CACNB2: variants seen among roughly 807,000 people sequenced by gnomAD.
The protein encoded by CACNB2 is voltage-dependent L-type calcium channel subunit beta-2.
CACNB2 carries 42 observed loss-of-function variants against 73.3 expected under a neutral mutation model. The ratio of observed to expected loss-of-function variants is 0.57; its 90% CI spans 0.45 to 0.74. The LOEUF is 0.74. CACNB2 is among the 30% of genes least tolerant of loss of function. The pLI is 0.00. For missense variants in CACNB2, 940 were observed against 853.0 expected (o/e 1.10, Z -1.27); for synonymous variants, 348 against 310.3 (o/e 1.12, Z -1.28).
At position 18,242,585 on chromosome 10, in the gene CACNB2, CAT is replaced by C. The variant is rs199804411; in HGVS notation, c.213+91612_213+91613del. Among the ~76,000 whole-genome samples, 313 of 152,240 alleles carry C rather than the reference CAT, an allele frequency of 2.1e-3. 7 individuals carry two copies. The East Asian group carries it at 0.044, about 22-fold the overall frequency. On this transcript the variant is annotated intron_variant, in intron 2 of 13. Transcript: ENST00000324631. ...ATATAAATGAAGAATCAAAACATCA[CAT>C]AAACAGTTTCTACAAATTGGTAAGG...
rs201696069 is a variant in CACNB2, at chr10:18,361,498, CA to C, written c.214-40412del. Among the ~76,000 whole-genome samples, 968 of 122,656 alleles carry C rather than the reference CA, an allele frequency of 7.9e-3. 10 individuals carry two copies. The highest frequency in any genetic ancestry group is 0.024 in the African/African-American group (787 of 32,156). The allele number at this position is 122,656 out of a possible 152,430, so 80.5% of individuals were successfully genotyped here. A position where few individuals can be genotyped will look rare whatever the true frequency, so the allele number is the denominator to read the frequency against. ...TGGGCAACAAAGCAAGACTCTATCTCAAAAAAAAAAAAAAGAAAGAAAGAAA... is the reference window on the plus strand; with the variant it reads ...TGGGCAACAAAGCAAGACTCTATCTCAAAAAAAAAAAAAGAAAGAAAGAAA... On this transcript the variant is annotated intron_variant, in intron 2 of 13. Coordinates refer to ENST00000324631, the MANE Select transcript of CACNB2 (RefSeq NM_201596.3).
At chr10:18,453,548 G>A (rs1001486) in intron 3 of CACNB2, among the ~76,000 whole-genome samples, 85,890 of 152,086 alleles carry the variant, frequency 0.56, 26,193 homozygotes, top group Non-Finnish European at 0.69. Flanking sequence ...GAGCACTGCC[G>A]CTCGTATCAC....
chr10:18,370,878 T>C (rs938598756), intron 2 of CACNB2, among the ~76,000 whole-genome samples: 2 of 152,260 alleles, frequency 1.3e-5, no homozygotes, highest in African/African-American at 4.8e-5. Context: ...TATTTCAACA[T>C]CTATATCTCG....
chr10:18,519,038 G>A (rs376485613), intron 9 of CACNB2, 70 bp downstream of exon 9: 127 of 1,340,988 alleles, frequency 9.5e-5, no homozygotes, highest in Non-Finnish European at 1.1e-4. Context: ...TGGGACATGC[G>A]TGTGATTCCA....
intron 2 of CACNB2, among the ~76,000 whole-genome samples, chr10:18,242,580 C>G (rs1436096108): frequency 2.6e-5 from 4 of 152,082 alleles, no homozygotes; most frequent in Admixed American, 1.3e-4. Context: ...AGAATCAAAA[C>G]ATCACATAAA....
intron 3 of CACNB2, among the ~76,000 whole-genome samples, chr10:18,460,413 C>A (rs2132669875): frequency 6.6e-6 from 1 of 152,198 alleles, no homozygotes; most frequent in Non-Finnish European, 1.5e-5. Flanking sequence ...ACACACAGCT[C>A]TGATAGTTAA....
intron 2 of CACNB2, among the ~76,000 whole-genome samples, chr10:18,352,447 A>G (rs1212585965): frequency 6.6e-6 from 1 of 152,238 alleles, no homozygotes; most frequent in African/African-American, 2.4e-5. Flanking sequence ...GAAATAGGGA[A>G]CAGTAGGGTT....
intron 6 of CACNB2, among the ~76,000 whole-genome samples, chr10:18,507,270 C>T (rs1447845450): frequency 6.6e-6 from 1 of 152,068 alleles, no homozygotes; most frequent in African/African-American, 2.4e-5. Context: ...AGAGGATTGG[C>T]CTGTTGTGGG....
chr10:18,376,742 G>A (rs772806883), intron 2 of CACNB2, among the ~76,000 whole-genome samples: 5 of 152,128 alleles, frequency 3.3e-5, no homozygotes, highest in Non-Finnish European at 7.4e-5. Flanking sequence ...TCGGAGGAGG[G>A]TTATCTTAAG....
intron 2 of CACNB2, among the ~76,000 whole-genome samples, chr10:18,158,300 C>T (rs960131303): frequency 6.6e-6 from 1 of 152,058 alleles, no homozygotes; most frequent in African/African-American, 2.4e-5. Flanking sequence ...AGGGCTTTTG[C>T]TTTGTAAATT....
At chr10:18,179,798 C>T (rs905605074) in intron 2 of CACNB2, among the ~76,000 whole-genome samples, 8 of 152,138 alleles carry the variant, frequency 5.3e-5, no homozygotes, top group African/African-American at 1.9e-4. Flanking sequence ...TCTTTCAGTT[C>T]AGACAAGTCA....
chr10:18,466,785 G>A (rs1263923793), intron 3 of CACNB2, among the ~76,000 whole-genome samples: 2 of 152,058 alleles, frequency 1.3e-5, no homozygotes, highest in Admixed American at 6.6e-5. Context: ...TAATAAACTG[G>A]GCCCCGGATT....
chr10:18,247,470 T>C (rs1171836193), intron 2 of CACNB2, among the ~76,000 whole-genome samples: 2 of 152,042 alleles, frequency 1.3e-5, no homozygotes, highest in African/African-American at 4.8e-5. Flanking sequence ...AGTTGCCCAG[T>C]AGGGGGTATG....
At chr10:18,380,280 C>CA (rs2042960329) in intron 2 of CACNB2, among the ~76,000 whole-genome samples, 3 of 151,146 alleles carry the variant, frequency 2.0e-5, no homozygotes, top group Non-Finnish European at 1.5e-5. Context: ...TTTTTCTTAG[C>CA]AAAAAAATAA....
intron 2 of CACNB2, among the ~76,000 whole-genome samples, chr10:18,225,849 A>G (rs1231463207): frequency 6.6e-6 from 1 of 152,080 alleles, no homozygotes; most frequent in Non-Finnish European, 1.5e-5. Context: ...TATGTTGCTC[A>G]GGCTGGTCTC....
At chr10:18,518,510 G>A (rs1319299293) in intron 8 of CACNB2, 94 bp downstream of exon 8, 10 of 903,830 alleles carry the variant, frequency 1.1e-5, no homozygotes, top group Non-Finnish European at 1.7e-5. Context: ...GAATTTTACA[G>A]CTTAAGGAGC....
intron 2 of CACNB2, among the ~76,000 whole-genome samples, chr10:18,302,749 C>T (rs1398096770): frequency 6.6e-6 from 1 of 152,146 alleles, no homozygotes; most frequent in African/African-American, 2.4e-5. Context: ...AAGTTGGGTT[C>T]AGTGTATACT....
intron 2 of CACNB2, chr10:18,261,862 T>C: frequency 2.0e-6 from 1 of 508,326 alleles, no homozygotes; most frequent in Non-Finnish European, 3.9e-6. Flanking sequence ...ATGGCCCTGC[T>C]GTGTTTTGCA....
At chr10:18,317,119 C>G (rs989460605) in intron 2 of CACNB2, among the ~76,000 whole-genome samples, 1 of 152,082 alleles carries the variant, frequency 6.6e-6, no homozygotes, top group African/African-American at 2.4e-5. Context: ...CCCTGCCCCC[C>G]ACACAGAAAA....
Sources: allele counts gnomAD v4.1 joint callset (sites outside exome capture counted in the v4.1 genomes callset), GRCh38; gene constraint gnomAD v4.1.1; transcripts MANE v1.5; gene names NCBI Gene and HGNC (gene_info 2026-07-23, HGNC 2026-07-21).